The following TENM4 variants were observed in gnomAD, a reference collection of about 807,000 sequenced individuals.
TENM4 encodes the protein teneurin-4.
Under a neutral mutation model 243.3 loss-of-function variants are expected in TENM4, and 82 were observed. That is an observed-to-expected ratio of 0.34 (90% CI 0.28 to 0.40). TENM4 has a LOEUF of 0.40. Ranked by LOEUF, TENM4 falls within the 10% of genes least tolerant of loss-of-function variation. The pLI is 1.00. For synonymous variants in TENM4, 1,412 were observed against 1,456.3 expected, an observed-to-expected ratio of 0.97 and a Z score of 0.69; for missense variants, 3,138 against 3,673.3, an observed-to-expected ratio of 0.85 and a Z score of 3.77.
At chr11:79,338,473 C>A (rs1272380535) in intron 1 of TENM4, among the ~76,000 whole-genome samples, 1 of 152,242 alleles carries the variant, frequency 6.6e-6, no homozygotes, top group Non-Finnish European at 1.5e-5. Flanking sequence ...CTCCTCAGCA[C>A]CTCCAAGTGA....
intron 2 of TENM4, among the ~76,000 whole-genome samples, chr11:79,266,029 G>A (rs1217787090): frequency 6.6e-6 from 1 of 152,186 alleles, no homozygotes; most frequent in Non-Finnish European, 1.5e-5. Flanking sequence ...CCCAGGTGGA[G>A]TAAGTAGCAC....
chr11:78,798,078 A>G (rs1160638190), intron 15 of TENM4, among the ~76,000 whole-genome samples: 1 of 152,232 alleles, frequency 6.6e-6, no homozygotes, highest in African/African-American at 2.4e-5. Context: ...CATGAACATA[A>G]GACAATTTCT....
chr11:78,950,123 G>A (rs1332037423), intron 6 of TENM4, among the ~76,000 whole-genome samples: 1 of 152,120 alleles, frequency 6.6e-6, no homozygotes, highest in Non-Finnish European at 1.5e-5. Context: ...CATTGTCCAG[G>A]CCTTAAAGGG....
intron 3 of TENM4, among the ~76,000 whole-genome samples, chr11:79,149,230 A>G (rs1381819159): frequency 1.3e-5 from 2 of 152,110 alleles, no homozygotes; most frequent in Non-Finnish European, 2.9e-5. Context: ...GAGGGATTTG[A>G]GCCAGCCATA....
At chr11:78,778,330 G>GC (rs1856776942) in intron 17 of TENM4, among the ~76,000 whole-genome samples, 1 of 134,544 alleles carries the variant, frequency 7.4e-6, no homozygotes, top group Non-Finnish European at 1.6e-5. Context: ...TGTGGGGCGG[G>GC]GGGAGGGAAA....
At position 78,805,413 on chromosome 11, in the gene TENM4, G is replaced by A; in HGVS notation, c.2058C>T (p.Gly686=). Reference sequence around the variant, plus strand: ...TGGCCCTGGGGGTCTCGCAGTTGGTGCCTCCCCATCCCACAGAGCAGTGGC... The same window carrying A: ...TGGCCCTGGGGGTCTCGCAGTTGGTACCTCCCCATCCCACAGAGCAGTGGC... ...GECHCSVGWG[G]TNCETPRATC... is the part of the protein sequence containing the mutation. Residue 686 remains glycine, a synonymous_variant, in exon 15 of 34, where the codon GGC becomes GGT. Transcript: ENST00000278550. 1.2e-6 allele frequency: 2 copies of A among 1,604,620 alleles called. No homozygotes were observed. The highest frequency in any genetic ancestry group is 2.2e-5 in the East Asian group (1 of 44,446).
intron 6 of TENM4, among the ~76,000 whole-genome samples, chr11:78,914,672 AC>A (rs1425916800): frequency 6.6e-6 from 1 of 152,138 alleles, no homozygotes; most frequent in Non-Finnish European, 1.5e-5. Context: ...TCTCAACATC[AC>A]CAGCTGCTGT....
Position 79,388,738 on chromosome 11 carries a change from A to G in TENM4, c.-321+51771T>C, listed in dbSNP as rs547481536. 2.6e-5 allele frequency among the ~76,000 whole-genome samples: 4 copies of G among 152,342 alleles called. No individual in the cohort carries two copies. In the South Asian group the frequency reaches 8.3e-4, roughly 32 times the overall value. ...CACTGCCCTCATGGAGCTCACAGTC[A>G]TGGAGGGTTCCAAGAGGTAAATGAG... is the stretch of plus-strand genomic sequence containing the variant. On this transcript the variant is annotated intron_variant, in intron 1 of 33. Coordinates refer to ENST00000278550, the MANE Select transcript of TENM4 (RefSeq NM_001098816.3).
At chr11:78,742,534 C>A (rs1438340112) in intron 19 of TENM4, among the ~76,000 whole-genome samples, 1 of 152,184 alleles carries the variant, frequency 6.6e-6, no homozygotes, top group Non-Finnish European at 1.5e-5. Flanking sequence ...GTGTAGTTTT[C>A]TCTGACACCA....
At chr11:78,982,776 C>T (rs79650577) in intron 6 of TENM4, among the ~76,000 whole-genome samples, 8,143 of 152,294 alleles carry the variant, frequency 0.053, 604 homozygotes, top group East Asian at 0.19. Flanking sequence ...TGAGATGTCC[C>T]AGACCCTGCA....
At chr11:79,306,627 C>A (rs1016813145) in intron 1 of TENM4, among the ~76,000 whole-genome samples, 14 of 152,168 alleles carry the variant, frequency 9.2e-5, no homozygotes, top group South Asian at 2.1e-4. Context: ...AATTTTCATT[C>A]AGTACCAACT....
At chr11:79,002,498 G>A (rs1036223608) in intron 6 of TENM4, among the ~76,000 whole-genome samples, 1 of 152,242 alleles carries the variant, frequency 6.6e-6, no homozygotes, top group Non-Finnish European at 1.5e-5. Flanking sequence ...CCCAGTACTA[G>A]TTTCCAAGAG....
At chr11:78,821,025 A>G (rs523368) in intron 12 of TENM4, among the ~76,000 whole-genome samples, 59,124 of 152,100 alleles carry the variant, frequency 0.39, 12,126 homozygotes, top group Middle Eastern at 0.53. Context: ...TCAGTCTACA[A>G]CAGTCTAGGT....
At chr11:79,071,457 TGGGAGTGTG>T (rs1860412844) in intron 4 of TENM4, among the ~76,000 whole-genome samples, 1 of 76,336 alleles carries the variant, frequency 1.3e-5, no homozygotes, top group Non-Finnish European at 3.3e-5. Flanking sequence ...TGCTGCAAAG[TGGGAGTGTG>T]GGTGGGAGTG....
chr11:79,188,016 G>A (rs560093434), intron 3 of TENM4, among the ~76,000 whole-genome samples: 8 of 152,278 alleles, frequency 5.3e-5, no homozygotes, highest in South Asian at 2.1e-4. Context: ...GTAGAGCTTG[G>A]GAGGGAGAAA....
intron 6 of TENM4, among the ~76,000 whole-genome samples, chr11:78,932,512 T>TC (rs1554979721): frequency 6.6e-6 from 1 of 152,024 alleles, no homozygotes; most frequent in East Asian, 1.9e-4. Context: ...TCTCACTTGA[T>TC]GGGGGGAGAG....
At chr11:79,356,424 GTCATCA>G (rs1857497518) in intron 1 of TENM4, among the ~76,000 whole-genome samples, 1 of 152,140 alleles carries the variant, frequency 6.6e-6, no homozygotes, top group South Asian at 2.1e-4. Context: ...CTGGTGTAGA[GTCATCA>G]CCACTACTAC....
intron 3 of TENM4, among the ~76,000 whole-genome samples, chr11:79,186,238 G>A (rs1010076525): frequency 6.6e-6 from 1 of 152,070 alleles, no homozygotes; most frequent in African/African-American, 2.4e-5. Flanking sequence ...TGACCAGGCT[G>A]GGAGTTATGG....
intron 32 of TENM4, among the ~76,000 whole-genome samples, chr11:78,665,205 CTTTT>C (rs772003221): frequency 1.1e-4 from 17 of 147,912 alleles, no homozygotes; most frequent in Admixed American, 9.5e-4. Context: ...CTTTCTTTTC[CTTTT>C]TATTTTCTTT....
Sources: gnomAD v4.1 joint callset for allele counts (sites outside exome capture counted in the v4.1 genomes callset) on GRCh38, gnomAD v4.1.1 for gene constraint, MANE v1.5 for transcripts, NCBI Gene and HGNC (gene_info 2026-07-23, HGNC 2026-07-21) for gene names.